MORC2: variants seen among roughly 807,000 people sequenced by gnomAD.
MORC2 encodes ATPase MORC2.
Under a neutral mutation model 136.0 loss-of-function variants are expected in MORC2, and 30 were observed. That is an observed-to-expected ratio of 0.22 (90% CI 0.17 to 0.30). The LOEUF (loss-of-function observed/expected upper bound fraction) is 0.30, where lower values mean the gene tolerates loss of function less well. Among genes scored for constraint, MORC2 ranks in the 10% least tolerant of loss-of-function variants. The pLI is 1.00. For synonymous variants in MORC2, 439 were observed against 487.0 expected (o/e 0.90, Z 1.30); for missense variants, 922 against 1,333.1 (o/e 0.69, Z 4.80).
At position 30,937,744 on chromosome 22, in the gene MORC2, A is replaced by G. The variant is rs1312932631; in HGVS notation, c.1370-33T>C. 1 of 1,613,898 alleles carries G rather than the reference A, an allele frequency of 6.2e-7. No individual in the cohort carries two copies. The highest frequency in any genetic ancestry group is 8.5e-7 in the Non-Finnish European group (1 of 1,179,964). On this transcript the variant is annotated intron_variant, in intron 14 of 25. Coordinates refer to ENST00000397641, the MANE Select transcript of MORC2 (RefSeq NM_001303256.3). This position sits in a 1 kb window ranked among gnomAD's most constrained non-coding sequence, Gnocchi z 4.7. ...GCAAACACCGATACATCATGTTAGG[A>G]GCCAGCCTCTCTCTCTCCCTACATT... is the stretch of plus-strand genomic sequence containing the variant.
At position 30,941,822 on chromosome 22, in the gene MORC2, C is replaced by T; in HGVS notation, c.698+69G>A. 7.3e-7 allele frequency: 1 copy of T among 1,373,376 alleles called. No homozygotes were observed. Among genetic ancestry groups the T allele is most frequent in the Non-Finnish European group, 1.0e-6 (1 of 969,736 alleles). 85.1% of individuals were successfully genotyped at this position (1,373,376 alleles called of 1,614,324 possible). A position where few individuals can be genotyped will look rare whatever the true frequency, so the allele number is the denominator to read the frequency against. On this transcript the variant is annotated intron_variant, in intron 8 of 25. Transcript: ENST00000397641. The surrounding 1 kb of genome is among the most constrained non-coding windows in gnomAD (Gnocchi z 4.6). Reference sequence around the variant, plus strand: ...GCAATGAATGTGCTCTCCCCTCTTTCCCTGAAGCCATCTCCTGAGAGCACA... The same window carrying T: ...GCAATGAATGTGCTCTCCCCTCTTTTCCTGAAGCCATCTCCTGAGAGCACA...
intron 3 of MORC2, among the ~76,000 whole-genome samples, chr22:30,951,868 T>C (rs1264292260): frequency 6.6e-6 from 1 of 151,856 alleles, no homozygotes; most frequent in African/African-American, 2.4e-5. Flanking sequence ...TGCAACGGCG[T>C]GATCTCGGCT....
Position 30,967,921 on chromosome 22 carries a change from C to T in MORC2, c.-32G>A. The T allele has an allele frequency of 6.8e-7, 1 of 1,470,332 alleles. No individual in the cohort carries two copies. 91.1% of individuals were successfully genotyped at this position (1,470,332 alleles called of 1,614,324 possible). A position where few individuals can be genotyped will look rare whatever the true frequency, so the allele number is the denominator to read the frequency against. On this transcript the variant is annotated 5_prime_UTR_variant, in exon 1 of 26. Transcript: ENST00000397641. The stretch of plus-strand genomic sequence containing the variant: ...AATAAGGTCTCCAGCCCTTCACCCG[C>T]TAACTGGGAAATATAACCTTATAAT...
Position 30,934,144 on chromosome 22 carries a change from T to G in MORC2, c.2241A>C (p.Glu747Asp). The change falls in exon 20 of 26, where the codon GAA becomes GAC. Residue 747 changes from glutamate (E) to aspartate (D), a missense_variant. This residue lies in a region of MORC2 where 263 missense variants were observed against 388.3 expected (regional missense o/e 0.68). Transcript: ENST00000397641. This position sits in a 1 kb window ranked among gnomAD's most constrained non-coding sequence, Gnocchi z 4.4. The stretch of plus-strand genomic sequence containing the variant: ...TCCTCCTCTCAGCTTCCTCCTCAAC[T>G]TCTTCCTCATCAGAAACTGCGACAC... Reference protein sequence around the residue: ...KRSVAVSDEEEVEEEAERRKE... With the variant: ...KRSVAVSDEEDVEEEAERRKE... 6.2e-7 allele frequency: 1 copy of G among 1,614,144 alleles called. No individual in the cohort carries two copies. The highest frequency in any genetic ancestry group is 2.2e-5 in the East Asian group (1 of 44,884).
intron 1 of MORC2, chr22:30,967,351 T>C: frequency 1.0e-6 from 1 of 987,502 alleles, no homozygotes; most frequent in Non-Finnish European, 1.2e-6. Flanking sequence ...TAATGCCAAC[T>C]TCTGAAAAAA....
At chr22:30,967,758 G>T in intron 1 of MORC2, 64 bp downstream of exon 1, 2 of 1,544,136 alleles carry the variant, frequency 1.3e-6, no homozygotes, top group South Asian at 2.4e-5. Flanking sequence ...CTGGGGAAAC[G>T]ATTTCCATAT....
At chr22:30,938,042 A>T (rs768239946) in intron 13 of MORC2, 23 bp downstream of exon 13, 3 of 1,613,918 alleles carry the variant, frequency 1.9e-6, no homozygotes, top group Non-Finnish European at 2.5e-6. Context: ...TGGGCTAGAC[A>T]GCTCTCTGTG....
rs60514280 is a variant in MORC2, at chr22:30,926,550, CAAAAAAAAAAAAAAAAAAAAAAA to C, written c.*230_*252del. 7.4e-4 allele frequency: 19 copies of C among 25,750 alleles called. No individual in the cohort carries two copies. The highest frequency in any genetic ancestry group is 3.0e-3 in the African/African-American group (16 of 5,346). The allele number at this position is 25,750 out of a possible 1,614,324, so 1.6% of individuals were successfully genotyped here. A position where few individuals can be genotyped will look rare whatever the true frequency, so the allele number is the denominator to read the frequency against. The stretch of plus-strand genomic sequence containing the variant: ...AAGGTTCTCTGTCCTTTGCAGTCAC[CAAAAAAAAAAAAAAAAAAAAAAA>C]AAAAAAAAAAAAAGTATGGTCTCAC... On this transcript the variant is annotated 3_prime_UTR_variant, in exon 26 of 26. Coordinates refer to ENST00000397641, the MANE Select transcript of MORC2 (RefSeq NM_001303256.3).
At chr22:30,965,652 GGTAA>G (rs2041117155) in intron 1 of MORC2, among the ~76,000 whole-genome samples, 1 of 152,142 alleles carries the variant, frequency 6.6e-6, no homozygotes, top group Non-Finnish European at 1.5e-5. Context: ...GTTCAACATG[GGTAA>G]GTCAAAGTCC....
chr22:30,959,158 C>T (rs1372615760), intron 1 of MORC2, among the ~76,000 whole-genome samples: 1 of 152,176 alleles, frequency 6.6e-6, no homozygotes, highest in African/African-American at 2.4e-5. Context: ...TCTTGTCACT[C>T]GGACTGGAGT....
chr22:30,937,708 T>G lies in MORC2; in HGVS notation c.1373A>C (p.Gln458Pro), dbSNP rs2040675082. Residue 458 changes from glutamine (Q) to proline (P), a missense_variant, in exon 15 of 26, where the codon CAG becomes CCG. By Grantham distance (76) the Gln-to-Pro change is moderately conservative (BLOSUM62 -1). Around this residue, in one of 9 missense-constraint regions of MORC2, gnomAD observed 119 missense variants for 202.7 expected, o/e 0.59. Transcript: ENST00000397641. The surrounding 1 kb of genome is among the most constrained non-coding windows in gnomAD (Gnocchi z 4.7). ...ATCCCAGAACTTGATGATTCCCCTC[T>G]GGGCTGGAAAGCAAACACCGATACA... ...AQYWKDIAIA[Q>P]RGIIKFWDEF... 1 of 1,614,002 alleles carries G rather than the reference T, an allele frequency of 6.2e-7. No individual in the cohort carries two copies. Among genetic ancestry groups the G allele is most frequent in the African/African-American group, 1.3e-5 (1 of 74,900 alleles).
rs143046507 is a variant in MORC2, at chr22:30,937,630, C to T, written c.1451G>A (p.Arg484His). ...TTCCATAGCTCTCCGGCGTTTGTAA[C>T]GCAGCTCACTGGATGGGGGCTGGTT... ...NWNQPPSSELRYKRRRAMEIP... is the reference protein window; with the variant it reads ...NWNQPPSSELHYKRRRAMEIP... The change falls in exon 15 of 26, where the codon CGT (arginine) becomes CAT (histidine). Residue 484 changes from arginine (R) to histidine (H), a missense_variant. Arg to His is a conservative substitution (Grantham distance 29). Coordinates refer to ENST00000397641, the MANE Select transcript of MORC2 (RefSeq NM_001303256.3). The surrounding 1 kb of genome is among the most constrained non-coding windows in gnomAD (Gnocchi z 4.7). 21 of 1,613,636 alleles carry T rather than the reference C, an allele frequency of 1.3e-5. No individual in the cohort carries two copies. The highest frequency in any genetic ancestry group is 6.7e-5 in the African/African-American group (5 of 74,898).
intron 6 of MORC2, among the ~76,000 whole-genome samples, chr22:30,943,671 C>T (rs565711982): frequency 1.3e-5 from 2 of 152,202 alleles, no homozygotes; most frequent in Admixed American, 6.5e-5. Context: ...AAAAGGGACT[C>T]TGTAATCTTA....
intron 3 of MORC2, 26 bp from the exon 4 acceptor site, chr22:30,950,471 T>C: frequency 1.2e-6 from 2 of 1,610,284 alleles, no homozygotes; most frequent in Non-Finnish European, 1.7e-6. Context: ...CTGCCATTAC[T>C]GGGCCGTTAC....
Position 30,941,454 on chromosome 22 carries a change from G to A in MORC2, c.803C>T (p.Ser268Phe), listed in dbSNP as rs756217725. ...HGHKVQTKRLSCCLYKPRMYK... is the reference protein window; with the variant it reads ...HGHKVQTKRLFCCLYKPRMYK... ...CTACCTGGGCTTGTACAGGCAGCAGGAGAGCCTCTTGGTCTGCACCTTGTG... is the reference window on the plus strand; with the variant it reads ...CTACCTGGGCTTGTACAGGCAGCAGAAGAGCCTCTTGGTCTGCACCTTGTG... The change falls in exon 9 of 26, where the codon TCC becomes TTC. Residue 268 changes from serine (S) to phenylalanine (F), a missense_variant. Physicochemically the swap from Ser to Phe is radical, Grantham distance 155. Around this residue, in one of 9 missense-constraint regions of MORC2, gnomAD observed 261 missense variants for 354.3 expected, o/e 0.74. Coordinates refer to ENST00000397641, the MANE Select transcript of MORC2 (RefSeq NM_001303256.3). The surrounding 1 kb of genome is among the most constrained non-coding windows in gnomAD (Gnocchi z 4.6). 1.9e-6 allele frequency: 3 copies of A among 1,613,960 alleles called. No individual in the cohort carries two copies. Among genetic ancestry groups the A allele is most frequent in the South Asian group, 1.1e-5 (1 of 91,066 alleles).
intron 1 of MORC2, 116 bp downstream of exon 1, chr22:30,967,706 C>T (rs2041149787): frequency 1.3e-6 from 2 of 1,506,730 alleles, no homozygotes; most frequent in East Asian, 2.5e-5. Flanking sequence ...ACACATTTCA[C>T]TCCAGTGGGA....
intron 3 of MORC2, among the ~76,000 whole-genome samples, chr22:30,955,679 GA>G (rs1037121680): frequency 6.6e-6 from 1 of 152,030 alleles, no homozygotes; most frequent in Non-Finnish European, 1.5e-5. Context: ...AAGTCTGTCA[GA>G]AAAAAACACA....
In MORC2 at chr22:30,940,044, G is replaced by A. The variant is rs776944473; in HGVS notation, c.905-3C>T. On this transcript the variant is annotated splice_polypyrimidine_tract_variant and splice_region_variant and intron_variant, in intron 10 of 25. Coordinates refer to ENST00000397641, the MANE Select transcript of MORC2 (RefSeq NM_001303256.3). ...TGCCTCCCGCGCCTTCTCTTCAGCT[G>A]AAACCCAGAAGAGAACATGGTAAGA... The A allele has an allele frequency of 4.3e-6, 7 of 1,613,062 alleles. No homozygotes were observed. In the East Asian group the frequency reaches 1.3e-4, roughly 31 times the overall value.
intron 20 of MORC2, 80 bp downstream of exon 20, chr22:30,933,980 C>T: frequency 6.7e-7 from 1 of 1,502,638 alleles, no homozygotes; most frequent in Non-Finnish European, 9.1e-7. Context: ...GTATAGACTG[C>T]TGATGGGGGG....
Sources: allele counts gnomAD v4.1 joint callset (sites outside exome capture counted in the v4.1 genomes callset), GRCh38; gene constraint gnomAD v4.1.1; regional missense constraint gnomAD v4.1.1; non-coding constraint Gnocchi (gnomAD v3.1); transcripts MANE v1.5; gene names NCBI Gene and HGNC (gene_info 2026-07-23, HGNC 2026-07-21).